The following CSMD1 variants were observed in gnomAD, a reference collection of about 807,000 sequenced individuals.
CSMD1 encodes the protein CUB and sushi domain-containing protein 1.
Under a neutral mutation model 417.5 loss-of-function variants are expected in CSMD1, and 213 were observed. The observed-to-expected ratio is 0.51, with a 90% CI of 0.46 to 0.57. The LOEUF is 0.57. Among genes scored for constraint, CSMD1 ranks in the 20% least tolerant of loss-of-function variants. CSMD1 has a pLI of 0.00. For synonymous variants in CSMD1, 2,862 were observed against 1,736.8 expected, an observed-to-expected ratio of 1.65 and a Z score of -16.11; for missense variants, 6,923 against 4,529.7, an observed-to-expected ratio of 1.53 and a Z score of -15.17.
At chr8:4,473,913 CTAAT>C (rs1352104446) in intron 2 of CSMD1, among the ~76,000 whole-genome samples, 1 of 151,982 alleles carries the variant, frequency 6.6e-6, no homozygotes, top group African/African-American at 2.4e-5. Context: ...AAAGAACAAA[CTAAT>C]CAATAAATAA....
At chr8:4,177,745 G>A (rs1798131955) in intron 3 of CSMD1, among the ~76,000 whole-genome samples, 1 of 150,642 alleles carries the variant, frequency 6.6e-6, no homozygotes, top group Non-Finnish European at 1.5e-5. Flanking sequence ...TGATAAAGGG[G>A]ATATCACCAC....
At chr8:3,421,926 C>A (rs911319556) in intron 12 of CSMD1, among the ~76,000 whole-genome samples, 1 of 151,640 alleles carries the variant, frequency 6.6e-6, no homozygotes, top group African/African-American at 2.4e-5. Flanking sequence ...GCGTGAGCCA[C>A]GGCGCCCGGC....
chr8:4,746,831 A>C (rs1406552623), intron 1 of CSMD1, among the ~76,000 whole-genome samples: 2 of 152,206 alleles, frequency 1.3e-5, no homozygotes. Flanking sequence ...AGAGAAAAAT[A>C]GTGATACCTG....
intron 4 of CSMD1, among the ~76,000 whole-genome samples, chr8:4,020,299 G>A (rs1239838937): frequency 6.6e-6 from 1 of 152,202 alleles, no homozygotes; most frequent in Non-Finnish European, 1.5e-5. Flanking sequence ...CAGAGCTGCT[G>A]AACAAGCTGT....
At chr8:3,912,388 C>A (rs1313036269) in intron 5 of CSMD1, among the ~76,000 whole-genome samples, 1 of 152,118 alleles carries the variant, frequency 6.6e-6, no homozygotes, top group East Asian at 1.9e-4. Context: ...AATCTTCTAG[C>A]CAATTTGGGT....
intron 1 of CSMD1, among the ~76,000 whole-genome samples, chr8:4,726,315 TA>T (rs778884930): frequency 4.3e-3 from 610 of 140,570 alleles, no homozygotes; most frequent in African/African-American, 5.4e-3. Flanking sequence ...GCGGGTTCTT[TA>T]AAAAAAAAAA....
At chr8:4,460,404 T>G (rs1161124600) in intron 2 of CSMD1, among the ~76,000 whole-genome samples, 1 of 152,086 alleles carries the variant, frequency 6.6e-6, no homozygotes, top group Non-Finnish European at 1.5e-5. Flanking sequence ...ATAAATAGCC[T>G]CACCTTCCAC....
intron 37 of CSMD1, among the ~76,000 whole-genome samples, chr8:3,179,959 T>A (rs1249101648): frequency 6.6e-6 from 1 of 152,206 alleles, no homozygotes; most frequent in Non-Finnish European, 1.5e-5. Context: ...CTTAGAATAT[T>A]TATCATCAGC....
chr8:2,990,041 G>A (rs1409545149), intron 54 of CSMD1, among the ~76,000 whole-genome samples: 2 of 152,208 alleles, frequency 1.3e-5, no homozygotes, highest in Non-Finnish European at 2.9e-5. Context: ...CACCTAAGAC[G>A]TGAAGACATA....
At chr8:3,801,575 G>A (rs1439042784) in intron 5 of CSMD1, among the ~76,000 whole-genome samples, 2 of 152,132 alleles carry the variant, frequency 1.3e-5, no homozygotes, top group East Asian at 1.9e-4. Flanking sequence ...TTCCTCAAAT[G>A]GTTAAAATTA....
chr8:4,916,850 T>C (rs1166474922), intron 1 of CSMD1, among the ~76,000 whole-genome samples: 1 of 152,218 alleles, frequency 6.6e-6, no homozygotes, highest in East Asian at 1.9e-4. Flanking sequence ...ATATTTTACT[T>C]TTGCAAGAAA....
chr8:4,651,229 G>C (rs1320871232), intron 1 of CSMD1, among the ~76,000 whole-genome samples: 1 of 152,074 alleles, frequency 6.6e-6, no homozygotes, highest in Non-Finnish European at 1.5e-5. Flanking sequence ...TTAAATACCT[G>C]GCAAACAGCA....
chr8:4,726,632 T>C (rs1809474504), intron 1 of CSMD1, among the ~76,000 whole-genome samples: 1 of 152,156 alleles, frequency 6.6e-6, no homozygotes, highest in Admixed American at 6.5e-5. Context: ...CCTGAATCAT[T>C]ATTTCAAGGT....
chr8:3,481,186 T>C (rs1171791831), intron 11 of CSMD1, among the ~76,000 whole-genome samples: 1 of 123,154 alleles, frequency 8.1e-6, no homozygotes, highest in Non-Finnish European at 1.7e-5. Context: ...AAAACCAGAG[T>C]AGTTGGTAGA....
chr8:3,386,512 A>G (rs986691125), intron 18 of CSMD1, among the ~76,000 whole-genome samples: 1 of 152,222 alleles, frequency 6.6e-6, no homozygotes, highest in African/African-American at 2.4e-5. Context: ...ACAAAGGTCA[A>G]AGATTTTGAG....
chr8:3,113,851 T>C (rs970838335), intron 42 of CSMD1, among the ~76,000 whole-genome samples: 8 of 152,188 alleles, frequency 5.3e-5, no homozygotes, highest in Non-Finnish European at 1.0e-4. Context: ...GTGCTACCTT[T>C]TCCTCTCTTT....
At chr8:4,367,896 T>G (rs1332379328) in intron 3 of CSMD1, among the ~76,000 whole-genome samples, 1 of 152,186 alleles carries the variant, frequency 6.6e-6, no homozygotes, top group Non-Finnish European at 1.5e-5. Flanking sequence ...TTTCGTACAT[T>G]ATTTTGTATC....
At chr8:3,100,450 C>A (rs1331164728) in intron 46 of CSMD1, among the ~76,000 whole-genome samples, 1 of 152,202 alleles carries the variant, frequency 6.6e-6, no homozygotes, top group Non-Finnish European at 1.5e-5. Flanking sequence ...GAGCAATACT[C>A]AGTTGGAGTG....
rs181448489 is a variant in CSMD1, at chr8:3,500,493, G to C, written c.1345-6767C>G. Among the ~76,000 whole-genome samples, 563 of 152,248 alleles carry C rather than the reference G, an allele frequency of 3.7e-3. 3 individuals are homozygous for C. Among genetic ancestry groups the C allele is most frequent in the African/African-American group, 0.012 (516 of 41,534 alleles). On this transcript the variant is annotated intron_variant, in intron 10 of 69. Transcript: ENST00000635120. ...ACTAAGACTCTGTCAGAGTATCAAA[G>C]GAAGGCACGTGAAAAGAAGAGGAAT...
Sources: gnomAD v4.1 joint callset for allele counts (sites outside exome capture counted in the v4.1 genomes callset) on GRCh38, gnomAD v4.1.1 for gene constraint, MANE v1.5 for transcripts, NCBI Gene and HGNC (gene_info 2026-07-23, HGNC 2026-07-21) for gene names.